The following SYT14 variants were observed in gnomAD, a reference collection of about 807,000 sequenced individuals.
SYT14 encodes synaptotagmin-14.
In SYT14, 32 loss-of-function variants were observed where a neutral mutation model predicts 74.2. That is an observed-to-expected ratio of 0.43 (90% CI 0.33 to 0.58). SYT14 has a LOEUF of 0.58. Among genes scored for constraint, SYT14 ranks in the 20% least tolerant of loss-of-function variants. The probability of loss-of-function intolerance (pLI) is 0.05; values close to 1 mark genes in which losing one functional copy is unlikely to be tolerated. For missense variants in SYT14, 791 were observed against 981.8 expected, an observed-to-expected ratio of 0.81 and a Z score of 2.60; for synonymous variants, 298 against 337.7, an observed-to-expected ratio of 0.88 and a Z score of 1.29.
At chr1:210,093,466 TA>T (rs2102523101) in intron 5 of SYT14, among the ~76,000 whole-genome samples, 1 of 152,356 alleles carries the variant, frequency 6.6e-6, no homozygotes, top group South Asian at 2.1e-4. Context: ...TCTGTTTCCT[TA>T]TTTCCCTCCT....
intron 5 of SYT14, among the ~76,000 whole-genome samples, chr1:210,029,381 T>C (rs934611193): frequency 1.3e-5 from 2 of 152,214 alleles, no homozygotes; most frequent in Non-Finnish European, 2.9e-5. Flanking sequence ...TGTTTTCTTC[T>C]AAGAGTTTCG....
At chr1:210,058,421 A>G (rs2081139632) in intron 5 of SYT14, among the ~76,000 whole-genome samples, 1 of 152,188 alleles carries the variant, frequency 6.6e-6, no homozygotes, top group South Asian at 2.1e-4. Context: ...ACACGGAGAT[A>G]TTTTTGAGGC....
chr1:210,131,807 A>G (rs1396803769), intron 7 of SYT14, among the ~76,000 whole-genome samples: 2 of 152,192 alleles, frequency 1.3e-5, no homozygotes, highest in East Asian at 3.9e-4. Flanking sequence ...CCCTTCTTCC[A>G]TATAAACATA....
chr1:210,075,270 G>T (rs1050545293), intron 5 of SYT14, among the ~76,000 whole-genome samples: 1 of 151,764 alleles, frequency 6.6e-6, no homozygotes, highest in Non-Finnish European at 1.5e-5. Context: ...CCAGCTGTTT[G>T]TGTCTTCTGC....
chr1:210,142,214 C>G (rs981586029), intron 7 of SYT14, among the ~76,000 whole-genome samples: 1 of 152,188 alleles, frequency 6.6e-6, no homozygotes, highest in Non-Finnish European at 1.5e-5. Context: ...TGTTGGATTT[C>G]ACAGTTGCAA....
chr1:210,023,525 G>A (rs530628347), intron 5 of SYT14, among the ~76,000 whole-genome samples: 148 of 152,108 alleles, frequency 9.7e-4, no homozygotes, highest in Non-Finnish European at 1.6e-3. Flanking sequence ...TGTATTTTTA[G>A]TAGACACGGG....
intron 1 of SYT14, among the ~76,000 whole-genome samples, chr1:209,943,177 A>G (rs2078764185): frequency 6.6e-6 from 1 of 152,244 alleles, no homozygotes; most frequent in Non-Finnish European, 1.5e-5. Context: ...ACACAAAATT[A>G]GAAACACTTA....
At chr1:210,071,766 G>C (rs1008808579) in intron 5 of SYT14, among the ~76,000 whole-genome samples, 2 of 96,246 alleles carry the variant, frequency 2.1e-5, no homozygotes, top group Admixed American at 1.0e-4. Flanking sequence ...GACATAATCC[G>C]AATAATTTTA....
chr1:209,948,091 A>G (rs529743608), intron 1 of SYT14, among the ~76,000 whole-genome samples: 4 of 152,236 alleles, frequency 2.6e-5, no homozygotes, highest in African/African-American at 4.8e-5. Flanking sequence ...TGGGAATCCA[A>G]AAAGTTTATG....
chr1:210,116,298 T>C (rs2082359999), intron 7 of SYT14, among the ~76,000 whole-genome samples: 1 of 152,200 alleles, frequency 6.6e-6, no homozygotes. Flanking sequence ...GCCTGTAGTT[T>C]CATTTTTGCA....
intron 2 of SYT14, among the ~76,000 whole-genome samples, chr1:209,976,187 T>C (rs1414392263): frequency 6.6e-6 from 1 of 152,230 alleles, no homozygotes; most frequent in South Asian, 2.1e-4. Context: ...CAAGGGTTTT[T>C]TGTGTCTCTA....
chr1:210,044,792 C>T (rs908936536), intron 5 of SYT14, among the ~76,000 whole-genome samples: 6 of 152,146 alleles, frequency 3.9e-5, no homozygotes, highest in African/African-American at 1.4e-4. Flanking sequence ...AAGCATGGCA[C>T]CAACATCTGC....
intron 7 of SYT14, among the ~76,000 whole-genome samples, chr1:210,126,477 A>G (rs922782645): frequency 3.3e-5 from 5 of 152,276 alleles, no homozygotes; most frequent in Middle Eastern, 6.8e-3. Flanking sequence ...TTATCATTAT[A>G]TCTTTGTAAC....
chr1:210,006,749 A>G (rs2079994821), intron 2 of SYT14, among the ~76,000 whole-genome samples: 1 of 151,976 alleles, frequency 6.6e-6, no homozygotes, highest in African/African-American at 2.4e-5. Flanking sequence ...TGAATAGAAT[A>G]GTCTTACAAA....
chr1:210,046,969 T>C (rs1056249474), intron 5 of SYT14, among the ~76,000 whole-genome samples: 1 of 152,142 alleles, frequency 6.6e-6, no homozygotes, highest in Non-Finnish European at 1.5e-5. Flanking sequence ...TATATTAACA[T>C]CATATAGCTA....
intron 5 of SYT14, among the ~76,000 whole-genome samples, chr1:210,093,053 T>C (rs1267110832): frequency 6.6e-6 from 1 of 152,188 alleles, no homozygotes; most frequent in Non-Finnish European, 1.5e-5. Flanking sequence ...TCCCCACATA[T>C]ATTGAGAGAT....
chr1:209,959,718 A>G (rs2079050394), intron 2 of SYT14, among the ~76,000 whole-genome samples: 1 of 152,230 alleles, frequency 6.6e-6, no homozygotes, highest in South Asian at 2.1e-4. Context: ...AATGTGTAGA[A>G]TAGACAAATC....
intron 5 of SYT14, among the ~76,000 whole-genome samples, chr1:210,079,977 G>T (rs2081588649): frequency 6.6e-6 from 1 of 152,086 alleles, no homozygotes; most frequent in Non-Finnish European, 1.5e-5. Context: ...AGAAATTCTG[G>T]TCTTTGTTGA....
chr1:209,988,810 C>G (rs1558113472), intron 2 of SYT14, among the ~76,000 whole-genome samples: 2 of 152,118 alleles, frequency 1.3e-5, no homozygotes, highest in Admixed American at 1.3e-4. Context: ...TTTTCCCAGC[C>G]TCTGATTGTT....
Sources: allele counts gnomAD v4.1 joint callset (sites outside exome capture counted in the v4.1 genomes callset), GRCh38; gene constraint gnomAD v4.1.1; transcripts MANE v1.5; gene names NCBI Gene and HGNC (gene_info 2026-07-23, HGNC 2026-07-21).